Variants in EPB41L4A observed in about 807,000 individuals in gnomAD.
The protein encoded by EPB41L4A is band 4.1-like protein 4A.
In EPB41L4A, 100 loss-of-function variants were observed where a neutral mutation model predicts 108.6. The observed-to-expected ratio is 0.92, with a 90% CI of 0.78 to 1.09. EPB41L4A has a LOEUF of 1.09. Among genes scored for constraint, EPB41L4A ranks in the 50% least tolerant of loss-of-function variants. The probability of loss-of-function intolerance (pLI) is 0.00; values close to 1 mark genes in which losing one functional copy is unlikely to be tolerated. For missense variants in EPB41L4A, 1,030 were observed against 842.7 expected (o/e 1.22, Z -2.75); for synonymous variants, 319 against 289.0 (o/e 1.10, Z -1.05).
intron 4 of EPB41L4A, among the ~76,000 whole-genome samples, chr5:112,273,861 T>A (rs1028410623): frequency 6.6e-6 from 1 of 152,070 alleles, no homozygotes; most frequent in Non-Finnish European, 1.5e-5. Flanking sequence ...CCTCAACATA[T>A]CCTCCCCATC....
intron 12 of EPB41L4A, among the ~76,000 whole-genome samples, chr5:112,219,006 T>C (rs893820889): frequency 1.3e-5 from 2 of 152,234 alleles, no homozygotes; most frequent in African/African-American, 4.8e-5. Flanking sequence ...CGTTGTGTCA[T>C]CCATTTTAAA....
intron 1 of EPB41L4A, among the ~76,000 whole-genome samples, chr5:112,346,396 G>T (rs1016757055): frequency 1.3e-5 from 2 of 151,354 alleles, no homozygotes; most frequent in African/African-American, 4.9e-5. Flanking sequence ...GCTAATTTTT[G>T]TATTTTTAGT....
At chr5:112,302,234 G>A (rs1754409666) in intron 2 of EPB41L4A, among the ~76,000 whole-genome samples, 1 of 152,068 alleles carries the variant, frequency 6.6e-6, no homozygotes, top group African/African-American at 2.4e-5. Context: ...GACCAGGTAT[G>A]GTGGCTCACA....
At chr5:112,143,541 TCAGA>T (rs1759140672) in exon 14 of EPB41L4A, 1 of 164,174 alleles carries the variant, frequency 6.1e-6, no homozygotes, top group South Asian at 1.5e-4. Context: ...AGCACTGATG[TCAGA>T]CAGACTGAGA....
intron 1 of EPB41L4A, among the ~76,000 whole-genome samples, chr5:112,348,926 G>A (rs1757860298): frequency 6.6e-6 from 1 of 152,178 alleles, no homozygotes; most frequent in African/African-American, 2.4e-5. Flanking sequence ...GACTAAGACA[G>A]GGTTCAAATC....
At chr5:112,348,990 T>C (rs1393068420) in intron 1 of EPB41L4A, among the ~76,000 whole-genome samples, 2 of 151,848 alleles carry the variant, frequency 1.3e-5, no homozygotes, top group Non-Finnish European at 2.9e-5. Context: ...TAACTGGAAG[T>C]AAAAAGGAGA....
rs573448601 is a variant in EPB41L4A, at chr5:112,267,799, A to C, written c.336-1469T>G. On this transcript the variant is annotated intron_variant, in intron 4 of 22. Transcript: ENST00000261486. ...TTTCAGTTAAAAAAAAAACAACAAC[A>C]ACCCTCAAAAGACTTCCCTTTGCCT... is the stretch of plus-strand genomic sequence containing the variant. Among the ~76,000 whole-genome samples the C allele has an allele frequency of 5.7e-4, 87 of 152,212 alleles. 2 individuals are homozygous for C. Among genetic ancestry groups the C allele is most frequent in the African/African-American group, 2.0e-3 (82 of 41,548 alleles).
At chr5:112,346,215 C>CTTTTTTTTTTTTTTTTTTTTTTTTTTTT (rs1479210695) in intron 1 of EPB41L4A, among the ~76,000 whole-genome samples, 1 of 49,040 alleles carries the variant, frequency 2.0e-5, no homozygotes, top group African/African-American at 4.5e-5. Context: ...AGGTACATTG[C>CTTTTTTTTTTTTTTTTTTTTTTTTTTTT]ATTTTTTTTT....
intron 12 of EPB41L4A, among the ~76,000 whole-genome samples, chr5:112,153,308 G>A (rs1580327399): frequency 6.6e-6 from 1 of 151,848 alleles, no homozygotes; most frequent in Non-Finnish European, 1.5e-5. Flanking sequence ...GGCGGATCAC[G>A]AGGTCAAGAG....
Position 112,152,030 on chromosome 5 carries a change from C to A in EPB41L4A, n.995-6032G>T, listed in dbSNP as rs76090852. Among the ~76,000 whole-genome samples, 13 of 152,294 alleles carry A rather than the reference C, an allele frequency of 8.5e-5. No individual in the cohort carries two copies. In the South Asian group the frequency reaches 1.0e-3, roughly 12 times the overall value. On this transcript the variant is annotated intron_variant and non_coding_transcript_variant, in intron 12 of 13. Coordinates refer to the EPB41L4A transcript ENST00000507810. ...TACAGGCGTGAGCCACCATTCCCAG[C>A]CATATTTAGTCTTTCTTGAGTTAGA...
At chr5:112,203,005 C>T (rs1032847419) in intron 15 of EPB41L4A, among the ~76,000 whole-genome samples, 2 of 151,806 alleles carry the variant, frequency 1.3e-5, no homozygotes, top group African/African-American at 4.8e-5. Context: ...GAATTCAAGA[C>T]CAGCCTGGGC....
intron 17 of EPB41L4A, among the ~76,000 whole-genome samples, chr5:112,186,373 A>C (rs78105346): frequency 0.033 from 5,072 of 152,288 alleles, 317 homozygotes; most frequent in African/African-American, 0.11. Context: ...CCTCATACTC[A>C]GACTTCACTC....
At chr5:112,208,116 C>T (rs1219662800) in intron 13 of EPB41L4A, among the ~76,000 whole-genome samples, 1 of 151,894 alleles carries the variant, frequency 6.6e-6, no homozygotes, top group Non-Finnish European at 1.5e-5. Context: ...AGTGGTGGCA[C>T]ACGCCTGTAG....
At chr5:112,322,474 C>T (rs1231274402) in intron 1 of EPB41L4A, among the ~76,000 whole-genome samples, 2 of 152,250 alleles carry the variant, frequency 1.3e-5, no homozygotes, top group South Asian at 2.1e-4. Context: ...CCTGGGTAAA[C>T]CACAGATTTT....
intron 1 of EPB41L4A, among the ~76,000 whole-genome samples, chr5:112,411,138 G>T (rs190411038): frequency 6.6e-6 from 1 of 152,312 alleles, no homozygotes; most frequent in Non-Finnish European, 1.5e-5. Context: ...AGCACAGGAA[G>T]ATAAGCAGGT....
intron 1 of EPB41L4A, among the ~76,000 whole-genome samples, chr5:112,386,774 T>C (rs1760564976): frequency 6.6e-6 from 1 of 152,180 alleles, no homozygotes; most frequent in South Asian, 2.1e-4. Context: ...AAAGATACTA[T>C]ATACATGACA....
chr5:112,400,321 G>C (rs539392200), intron 1 of EPB41L4A, among the ~76,000 whole-genome samples: 9 of 151,406 alleles, frequency 5.9e-5, no homozygotes, highest in African/African-American at 2.2e-4. Flanking sequence ...CCCAAAACAC[G>C]TGGGGATTAC....
chr5:112,199,577 G>C (rs1475599620), intron 15 of EPB41L4A, among the ~76,000 whole-genome samples: 1 of 152,052 alleles, frequency 6.6e-6, no homozygotes, highest in African/African-American at 2.4e-5. Context: ...AGCAAATCAA[G>C]CCCCTGACTT....
intron 1 of EPB41L4A, among the ~76,000 whole-genome samples, chr5:112,408,667 C>T (rs1308336799): frequency 1.1e-5 from 1 of 89,156 alleles, no homozygotes; most frequent in African/African-American, 4.9e-5. Flanking sequence ...CATGGTGAGA[C>T]TCCATCTCAA....
Sources: gnomAD v4.1 joint callset for allele counts (sites outside exome capture counted in the v4.1 genomes callset) on GRCh38, gnomAD v4.1.1 for gene constraint, MANE v1.5 for transcripts, NCBI Gene and HGNC (gene_info 2026-07-23, HGNC 2026-07-21) for gene names.